ZNF385D: variants seen among roughly 807,000 people sequenced by gnomAD.
ZNF385D encodes the protein zinc finger protein 385D.
A neutral mutation model predicts 35.8 loss-of-function variants in ZNF385D; 15 were observed. The ratio of observed to expected loss-of-function variants is 0.42; its 90% CI spans 0.28 to 0.64. The LOEUF (loss-of-function observed/expected upper bound fraction) is 0.64. ZNF385D is among the 30% of genes least tolerant of loss of function. ZNF385D has a pLI of 0.23. For synonymous variants in ZNF385D, 212 were observed against 186.8 expected (o/e 1.13, Z -1.10); for missense variants, 474 against 494.6 (o/e 0.96, Z 0.39).
At chr3:22,187,184 C>G (rs1475543620) in intron 2 of ZNF385D, among the ~76,000 whole-genome samples, 1 of 152,124 alleles carries the variant, frequency 6.6e-6, no homozygotes, top group Admixed American at 6.6e-5. Context: ...TTCTTTGTTT[C>G]TTTGTTCAGT....
chr3:21,852,871 A>G (rs1696471252), intron 3 of ZNF385D, among the ~76,000 whole-genome samples: 1 of 151,878 alleles, frequency 6.6e-6, no homozygotes, highest in African/African-American at 2.4e-5. Context: ...TGTTCTCTCT[A>G]AAGCCCCTGG....
At chr3:21,630,543 T>C (rs2065252072) in intron 2 of ZNF385D, among the ~76,000 whole-genome samples, 1 of 152,032 alleles carries the variant, frequency 6.6e-6, no homozygotes, top group Admixed American at 6.6e-5. Context: ...TAACTGCACT[T>C]CTGAAACACC....
intron 3 of ZNF385D, among the ~76,000 whole-genome samples, chr3:21,969,704 A>T (rs1703127299): frequency 1.3e-5 from 2 of 151,882 alleles, no homozygotes; most frequent in South Asian, 4.1e-4. Context: ...GCTTTAAGTG[A>T]ACACGGGCAG....
chr3:21,999,801 CA>C (rs373570655), intron 3 of ZNF385D, among the ~76,000 whole-genome samples: 1 of 148,606 alleles, frequency 6.7e-6, no homozygotes, highest in African/African-American at 2.5e-5. Flanking sequence ...TAATGAAAAA[CA>C]AAAAGTGATG....
At chr3:22,226,575 G>C (rs544601207) in intron 2 of ZNF385D, among the ~76,000 whole-genome samples, 11 of 152,270 alleles carry the variant, frequency 7.2e-5, no homozygotes, top group Admixed American at 6.5e-4. Context: ...TTTTGTTTAA[G>C]AACCTGTGAT....
chr3:22,062,426 T>A (rs941350), intron 3 of ZNF385D, among the ~76,000 whole-genome samples: 12,750 of 152,206 alleles, frequency 0.084, 666 homozygotes, highest in East Asian at 0.21. Flanking sequence ...TATAACACTT[T>A]AAATGAGCAA....
chr3:21,657,493 A>C (rs1396425274), intron 2 of ZNF385D, among the ~76,000 whole-genome samples: 1 of 151,982 alleles, frequency 6.6e-6, no homozygotes, highest in Non-Finnish European at 1.5e-5. Flanking sequence ...GAAACGTATA[A>C]TGAAAGAAGA....
At chr3:22,298,980 G>T (rs986257397) in intron 2 of ZNF385D, among the ~76,000 whole-genome samples, 3 of 152,008 alleles carry the variant, frequency 2.0e-5, no homozygotes, top group Admixed American at 2.0e-4. Context: ...TGGCAGAGAG[G>T]ATACAGGCTG....
chr3:21,634,027 T>C (rs1173709144), intron 2 of ZNF385D, among the ~76,000 whole-genome samples: 7 of 151,640 alleles, frequency 4.6e-5, no homozygotes, highest in Non-Finnish European at 2.9e-5. Flanking sequence ...AAGACCCCCA[T>C]CTCTGCAAAA....
chr3:22,042,636 T>A (rs891439378), intron 3 of ZNF385D, among the ~76,000 whole-genome samples: 1 of 152,116 alleles, frequency 6.6e-6, no homozygotes, highest in Non-Finnish European at 1.5e-5. Flanking sequence ...GGAAAGCCCA[T>A]AAAACACCCA....
chr3:21,832,968 A>C (rs934390731), intron 3 of ZNF385D, among the ~76,000 whole-genome samples: 3 of 152,186 alleles, frequency 2.0e-5, no homozygotes, highest in Non-Finnish European at 2.9e-5. Context: ...TATAAAAATC[A>C]ATCTTATTTC....
chr3:21,899,692 T>G (rs1329117555), intron 3 of ZNF385D, among the ~76,000 whole-genome samples: 1 of 152,126 alleles, frequency 6.6e-6, no homozygotes, highest in Admixed American at 6.6e-5. Context: ...ATATTAAAGG[T>G]TTACTGCTTT....
chr3:21,546,788 G>A (rs2062387191), intron 3 of ZNF385D, among the ~76,000 whole-genome samples: 1 of 151,840 alleles, frequency 6.6e-6, no homozygotes, highest in Non-Finnish European at 1.5e-5. Context: ...GCTACTGGCA[G>A]TAGGTGGGAA....
chr3:21,960,948 T>G (rs1427644547), intron 3 of ZNF385D, among the ~76,000 whole-genome samples: 4 of 151,958 alleles, frequency 2.6e-5, no homozygotes, highest in Non-Finnish European at 5.9e-5. Context: ...GAAGATGTTG[T>G]TTAAAAGATA....
intron 2 of ZNF385D, among the ~76,000 whole-genome samples, chr3:22,337,106 C>A (rs1158015510): frequency 6.6e-6 from 1 of 151,562 alleles, no homozygotes; most frequent in Non-Finnish European, 1.5e-5. Flanking sequence ...CTTTATAAGT[C>A]ATTTCAATGA....
intron 2 of ZNF385D, among the ~76,000 whole-genome samples, chr3:21,602,117 G>C (rs971460996): frequency 6.6e-6 from 1 of 152,164 alleles, no homozygotes; most frequent in African/African-American, 2.4e-5. Flanking sequence ...AGGCAAGAGA[G>C]CGTGTGCAGG....
chr3:22,362,433 C>A (rs1208058469), intron 2 of ZNF385D, among the ~76,000 whole-genome samples: 1 of 152,038 alleles, frequency 6.6e-6, no homozygotes, highest in Non-Finnish European at 1.5e-5. Flanking sequence ...ATATTGAAAG[C>A]AATTTTCTAA....
At chr3:21,519,378 C>G (rs540073039) in intron 3 of ZNF385D, among the ~76,000 whole-genome samples, 193 of 152,252 alleles carry the variant, frequency 1.3e-3, no homozygotes, top group African/African-American at 4.4e-3. Context: ...TAAACTTCAC[C>G]ATTCCTTAAC....
chr3:22,335,569 T>G (rs532434448), intron 2 of ZNF385D, among the ~76,000 whole-genome samples: 1 of 152,238 alleles, frequency 6.6e-6, no homozygotes, highest in African/African-American at 2.4e-5. Context: ...CTTACAGAAA[T>G]GCACAACAGT....
Sources: gnomAD v4.1 joint callset for allele counts (sites outside exome capture counted in the v4.1 genomes callset) on GRCh38, gnomAD v4.1.1 for gene constraint, MANE v1.5 for transcripts, NCBI Gene and HGNC (gene_info 2026-07-23, HGNC 2026-07-21) for gene names.